RNASEH2B: variants seen among roughly 807,000 people sequenced by gnomAD.
RNASEH2B encodes the protein Aicardi-Goutieres syndrome 2 protein.
In RNASEH2B, 36 loss-of-function variants were observed where a neutral mutation model predicts 45.0. The ratio of observed to expected loss-of-function variants is 0.80; its 90% CI spans 0.61 to 1.06. The LOEUF (loss-of-function observed/expected upper bound fraction) is 1.06. Among genes scored for constraint, RNASEH2B ranks in the 50% least tolerant of loss-of-function variants. RNASEH2B has a pLI of 0.00. For missense variants in RNASEH2B, 361 were observed against 360.3 expected (o/e 1.00, Z -0.02); for synonymous variants, 119 against 125.7 (o/e 0.95, Z 0.35).
At chr13:50,916,818 T>C (rs1879771577) in intron 1 of RNASEH2B, among the ~76,000 whole-genome samples, 1 of 152,154 alleles carries the variant, frequency 6.6e-6, no homozygotes, top group Non-Finnish European at 1.5e-5. Flanking sequence ...AAATCAAACA[T>C]GAACTTCTTT....
chr13:50,919,944 T>C (rs1304102190), intron 1 of RNASEH2B, among the ~76,000 whole-genome samples: 1 of 152,232 alleles, frequency 6.6e-6, no homozygotes, highest in Non-Finnish European at 1.5e-5. Flanking sequence ...TTGTCACTGG[T>C]ATGTTTTCTT....
intron 8 of RNASEH2B, chr13:50,948,601 G>T: frequency 6.5e-6 from 1 of 152,802 alleles, no homozygotes; most frequent in Admixed American, 6.5e-5. Flanking sequence ...TTTATAAAGA[G>T]CTTATACATT....
intron 4 of RNASEH2B, among the ~76,000 whole-genome samples, chr13:50,932,290 G>A (rs1951690377): frequency 6.6e-6 from 1 of 152,108 alleles, no homozygotes; most frequent in Admixed American, 6.5e-5. Flanking sequence ...TGCTCTTCCT[G>A]GTAATCAGCT....
At chr13:50,949,533 G>GGGGGAC in intron 9 of RNASEH2B, 28 bp downstream of exon 9, 1 of 1,600,066 alleles carries the variant, frequency 6.2e-7, no homozygotes, top group Non-Finnish European at 8.6e-7. Context: ...AGATATCTTT[G>GGGGGAC]GGGGACTTAG....
chr13:50,946,529 T>G (rs534467791), intron 7 of RNASEH2B, among the ~76,000 whole-genome samples: 1 of 152,240 alleles, frequency 6.6e-6, no homozygotes, highest in Admixed American at 6.5e-5. Context: ...GGGATTGAGA[T>G]AGATGATTAA....
intron 1 of RNASEH2B, chr13:50,910,534 A>G (rs562965163): frequency 1.1e-5 from 2 of 174,942 alleles, no homozygotes; most frequent in Admixed American, 1.3e-4. Context: ...CCAGGGATCC[A>G]GTAGGCTCGA....
intron 9 of RNASEH2B, among the ~76,000 whole-genome samples, chr13:50,969,386 T>G (rs1487393650): frequency 6.6e-6 from 1 of 152,140 alleles, no homozygotes; most frequent in Non-Finnish European, 1.5e-5. Flanking sequence ...TTGTAGTAAT[T>G]AAACTTGTTC....
chr13:50,929,829 C>G (rs1951654064), intron 3 of RNASEH2B, among the ~76,000 whole-genome samples: 1 of 152,168 alleles, frequency 6.6e-6, no homozygotes. Context: ...TCTCCTAAAA[C>G]AGTGACACAT....
At chr13:50,959,098 G>T (rs997435976), downstream of RNASEH2B, among the ~76,000 whole-genome samples, 8 of 151,706 alleles carry the variant, frequency 5.3e-5, no homozygotes, top group African/African-American at 1.9e-4. Flanking sequence ...TAGTGATTTT[G>T]AACATTTTTT....
At chr13:50,956,203 G>C in intron 10 of RNASEH2B, 155 bp from the exon 11 acceptor site, 1 of 632,298 alleles carries the variant, frequency 1.6e-6, no homozygotes, top group Non-Finnish European at 2.8e-6. Flanking sequence ...ATTCTGAATA[G>C]AAATCAGAAC....
intron 9 of RNASEH2B, among the ~76,000 whole-genome samples, chr13:50,962,789 T>G (rs754336859): frequency 2.0e-5 from 3 of 152,200 alleles, no homozygotes; most frequent in African/African-American, 7.2e-5. Context: ...AAGTTGACTA[T>G]GATGTGTTGA....
In RNASEH2B at chr13:50,970,297, T is replaced by C. The variant is rs377552193; in HGVS notation, c.*333T>C. 4.6e-5 allele frequency: 23 copies of C among 501,484 alleles called. No homozygotes were observed. The South Asian group carries it at 6.9e-4, about 15-fold the overall frequency. The allele number at this position is 501,484 out of a possible 1,614,324, so 31.1% of individuals were successfully genotyped here. A position where few individuals can be genotyped will look rare whatever the true frequency, so the allele number is the denominator to read the frequency against. On this transcript the variant is annotated 3_prime_UTR_variant, in exon 10 of 10. Transcript: ENST00000422660. ...GGTGACTTAAAGTACTTGATTGTCT[T>C]GATTTCACCCTGAAAGCTTTGGCAA... is the stretch of plus-strand genomic sequence containing the variant.
chr13:50,919,914 C>T (rs890325997), intron 1 of RNASEH2B, among the ~76,000 whole-genome samples: 1 of 152,182 alleles, frequency 6.6e-6, no homozygotes, highest in African/African-American at 2.4e-5. Flanking sequence ...ATTTTACATT[C>T]ATTAGACACA....
At chr13:50,920,338 G>A (rs916577979) in intron 1 of RNASEH2B, among the ~76,000 whole-genome samples, 9 of 152,166 alleles carry the variant, frequency 5.9e-5, no homozygotes, top group Admixed American at 4.6e-4. Context: ...GTGAGCCACC[G>A]TGCCTAGCCT....
intron 8 of RNASEH2B, chr13:50,948,976 G>A (rs1249404203): frequency 6.3e-6 from 1 of 158,944 alleles, no homozygotes; most frequent in East Asian, 1.8e-4. Flanking sequence ...GTACTCCATT[G>A]TTTGTATAGA....
At chr13:50,943,805 T>C (rs1414293209) in intron 6 of RNASEH2B, among the ~76,000 whole-genome samples, 1 of 151,908 alleles carries the variant, frequency 6.6e-6, no homozygotes, top group Non-Finnish European at 1.5e-5. Context: ...GGTGTTCAGG[T>C]TTAGAGGAAG....
chr13:50,968,133 T>C (rs1468271150), intron 9 of RNASEH2B, among the ~76,000 whole-genome samples: 1 of 152,134 alleles, frequency 6.6e-6, no homozygotes, highest in Non-Finnish European at 1.5e-5. Flanking sequence ...AAATTGACCT[T>C]AGCTGGGCAC....
chr13:50,930,015 G>A, intron 3 of RNASEH2B: 1 of 249,410 alleles, frequency 4.0e-6, no homozygotes, highest in South Asian at 5.0e-5. Flanking sequence ...ATACCTGCCT[G>A]CCCACCTGCT....
intron 10 of RNASEH2B, chr13:50,954,474 A>C (rs1952019813): frequency 6.0e-6 from 1 of 167,662 alleles, no homozygotes; most frequent in Non-Finnish European, 1.3e-5. Context: ...TTTATTTAAC[A>C]TTAAATTGTG....
Sources: allele counts gnomAD v4.1 joint callset (sites outside exome capture counted in the v4.1 genomes callset), GRCh38; gene constraint gnomAD v4.1.1; transcripts MANE v1.5; gene names NCBI Gene and HGNC (gene_info 2026-07-23, HGNC 2026-07-21).